NKAIN3: variants seen among roughly 807,000 people sequenced by gnomAD.
NKAIN3 encodes the protein sodium/potassium-transporting ATPase subunit beta-1-interacting protein 3.
Under a neutral mutation model 30.2 loss-of-function variants are expected in NKAIN3, and 25 were observed. That is an observed-to-expected ratio of 0.83 (90% CI 0.60 to 1.16). The LOEUF (loss-of-function observed/expected upper bound fraction) is 1.16, where lower values mean the gene tolerates loss of function less well. Among genes scored for constraint, NKAIN3 ranks in the 50% most tolerant of loss-of-function variants. The probability of loss-of-function intolerance (pLI) is 0.00; values close to 1 mark genes in which losing one functional copy is unlikely to be tolerated. For synonymous variants in NKAIN3, 91 were observed against 89.6 expected (o/e 1.02, Z -0.09); for missense variants, 225 against 254.1 (o/e 0.89, Z 0.78).
chr8:62,975,666 G>T lies in NKAIN3; in HGVS notation c.*10259G>T, dbSNP rs1380948609. ...GGTTTTTCGTATCTCTTTCAGTTCT[G>T]TTCTGATCTTAGTTATTTCTTGTCT... is the stretch of plus-strand genomic sequence containing the variant. On this transcript the variant is annotated 3_prime_UTR_variant, in exon 7 of 7. Coordinates refer to ENST00000623646, the MANE Select transcript of NKAIN3 (RefSeq NM_001304533.3). Among the ~76,000 whole-genome samples, 1 of 152,006 alleles carries T rather than the reference G, an allele frequency of 6.6e-6. No homozygotes were observed. Among genetic ancestry groups the T allele is most frequent in the Non-Finnish European group, 1.5e-5 (1 of 67,996 alleles).
rs117749436 is a variant in NKAIN3, at chr8:62,609,117, C to G, written c.273+19323C>G. Among the ~76,000 whole-genome samples the G allele has an allele frequency of 1.5e-3, 231 of 152,274 alleles. 6 individuals are homozygous for G. The East Asian group carries it at 0.032, about 21-fold the overall frequency. The stretch of plus-strand genomic sequence containing the variant: ...TCAGGTCAGGCTATAATGATTTCGA[C>G]TTGATCTATTTCTTTACCTTTAGAA... On this transcript the variant is annotated intron_variant, in intron 3 of 6. Transcript: ENST00000623646.
At position 62,596,703 on chromosome 8, in the gene NKAIN3, C is replaced by G. The variant is rs138265959; in HGVS notation, c.273+6909C>G. Among the ~76,000 whole-genome samples, 194 of 152,182 alleles carry G rather than the reference C, an allele frequency of 1.3e-3. 1 individual carries two copies. In the Middle Eastern group the frequency reaches 0.017, roughly 13 times the overall value. On this transcript the variant is annotated intron_variant, in intron 3 of 6. Coordinates refer to ENST00000623646, the MANE Select transcript of NKAIN3 (RefSeq NM_001304533.3). Reference sequence around the variant, plus strand: ...CGTTATCACCGACCACTGCATACCCCACTTTTCAAAGTCCTTTTTCTACAA... The same window carrying G: ...CGTTATCACCGACCACTGCATACCCGACTTTTCAAAGTCCTTTTTCTACAA...
intron 1 of NKAIN3, among the ~76,000 whole-genome samples, chr8:62,393,425 A>G (rs1003525030): frequency 4.6e-5 from 7 of 151,986 alleles, no homozygotes; most frequent in Admixed American, 6.6e-5. Flanking sequence ...AATTGTGGGT[A>G]TATTTCTGGA....
At chr8:62,371,775 C>A (rs1179200424) in intron 1 of NKAIN3, among the ~76,000 whole-genome samples, 1 of 151,764 alleles carries the variant, frequency 6.6e-6, no homozygotes, top group Non-Finnish European at 1.5e-5. Context: ...ATTTCACATA[C>A]CCCTATTTTA....
intron 3 of NKAIN3, among the ~76,000 whole-genome samples, chr8:62,607,300 A>G (rs983046717): frequency 1.3e-5 from 2 of 152,158 alleles, no homozygotes; most frequent in Admixed American, 6.6e-5. Flanking sequence ...TGATTTTCCC[A>G]GAGACCGTCT....
At chr8:62,563,374 T>A (rs927139027) in intron 1 of NKAIN3, among the ~76,000 whole-genome samples, 1 of 152,124 alleles carries the variant, frequency 6.6e-6, no homozygotes, top group African/African-American at 2.4e-5. Flanking sequence ...CTTTTGCCTA[T>A]TTTTTGTGAC....
At chr8:62,823,691 C>G (rs1338084546) in intron 4 of NKAIN3, among the ~76,000 whole-genome samples, 12 of 152,186 alleles carry the variant, frequency 7.9e-5, no homozygotes, top group Admixed American at 7.9e-4. Context: ...GGAGTACCTT[C>G]CACCTTTATA....
chr8:62,878,636 A>C, intron 4 of NKAIN3, among the ~76,000 whole-genome samples: 1 of 150,558 alleles, frequency 6.6e-6, no homozygotes. Context: ...AACATTAGGT[A>C]TATCTCCTAA....
At chr8:62,921,775 A>T in intron 5 of NKAIN3, among the ~76,000 whole-genome samples, 1 of 152,230 alleles carries the variant, frequency 6.6e-6, no homozygotes, top group East Asian at 1.9e-4. Flanking sequence ...AATCATAATG[A>T]TAGAAATCTG....
chr8:62,501,255 A>G (rs918565916), intron 1 of NKAIN3, among the ~76,000 whole-genome samples: 2 of 152,184 alleles, frequency 1.3e-5, no homozygotes, highest in African/African-American at 4.8e-5. Flanking sequence ...CTCACTATCC[A>G]TGAGTAGCTA....
chr8:62,776,228 A>T (rs959351469), intron 4 of NKAIN3, among the ~76,000 whole-genome samples: 3 of 151,914 alleles, frequency 2.0e-5, no homozygotes, highest in Non-Finnish European at 4.4e-5. Flanking sequence ...TTCTATATCA[A>T]TTCAGCCACC....
Position 62,953,897 on chromosome 8 carries a change from T to G in NKAIN3, c.533-5T>G. 3 of 947,832 alleles carry G rather than the reference T, an allele frequency of 3.2e-6. No individual in the cohort carries two copies. Among genetic ancestry groups the G allele is most frequent in the Non-Finnish European group, 2.5e-6 (2 of 795,256 alleles). 58.7% of individuals were successfully genotyped at this position (947,832 alleles called of 1,614,324 possible). ...TTATTCATATGGCCTATGTTATATT[T>G]TCAGTTGATTTCATAGGTGGACTTG... On this transcript the variant is annotated splice_region_variant and splice_polypyrimidine_tract_variant and intron_variant, in intron 5 of 6. Transcript: ENST00000623646.
intron 1 of NKAIN3, among the ~76,000 whole-genome samples, chr8:62,439,239 G>T (rs139866617): frequency 1.3e-3 from 200 of 152,294 alleles, no homozygotes; most frequent in Admixed American, 2.3e-3. Context: ...GAGTCCTCTG[G>T]ATTAGGAAAT....
chr8:62,815,842 C>G (rs1257930357), intron 4 of NKAIN3, among the ~76,000 whole-genome samples: 2 of 152,080 alleles, frequency 1.3e-5, no homozygotes, highest in African/African-American at 4.8e-5. Context: ...CATTCTTATT[C>G]CACTCATTGA....
Position 62,296,435 on chromosome 8 carries a change from T to C in NKAIN3, c.54+47308T>C, listed in dbSNP as rs545333366. Among the ~76,000 whole-genome samples the C allele has an allele frequency of 5.3e-5, 8 of 152,312 alleles. No homozygotes were observed. The South Asian group carries it at 1.7e-3, about 32-fold the overall frequency. On this transcript the variant is annotated intron_variant, in intron 1 of 6. Coordinates refer to ENST00000623646, the MANE Select transcript of NKAIN3 (RefSeq NM_001304533.3). ...AATGTGATAGGAACCTAAGATGCTATGCCAATAAACAGTTATAAGAAATTC... is the reference window on the plus strand; with the variant it reads ...AATGTGATAGGAACCTAAGATGCTACGCCAATAAACAGTTATAAGAAATTC...
intron 1 of NKAIN3, among the ~76,000 whole-genome samples, chr8:62,550,983 G>A (rs1809188932): frequency 6.6e-6 from 1 of 152,128 alleles, no homozygotes; most frequent in African/African-American, 2.4e-5. Flanking sequence ...TGCAGTTTTT[G>A]TATGGCTGAA....
intron 1 of NKAIN3, among the ~76,000 whole-genome samples, chr8:62,404,671 T>C (rs2123038): frequency 0.71 from 107,365 of 152,014 alleles, 38,224 homozygotes; most frequent in Non-Finnish European, 0.74. Flanking sequence ...TCAATTAAAC[T>C]TCTTTCCTTT....
chr8:62,901,719 A>G (rs72655052), intron 4 of NKAIN3, among the ~76,000 whole-genome samples: 3,080 of 152,342 alleles, frequency 0.02, 51 homozygotes, highest in South Asian at 0.027. Context: ...AGGATTCCCT[A>G]CTACGAAACA....
chr8:62,871,652 C>T (rs578145759), intron 4 of NKAIN3, among the ~76,000 whole-genome samples: 37 of 152,282 alleles, frequency 2.4e-4, no homozygotes, highest in South Asian at 2.1e-3. Context: ...GGGCCAAGCC[C>T]AAGGAAGAAT....
Sources: allele counts gnomAD v4.1 joint callset (sites outside exome capture counted in the v4.1 genomes callset), GRCh38; gene constraint gnomAD v4.1.1; transcripts MANE v1.5; gene names NCBI Gene and HGNC (gene_info 2026-07-23, HGNC 2026-07-21).